Variants in PHF14 observed in about 807,000 individuals in gnomAD.
PHF14 encodes the protein PHD finger protein 14.
A neutral mutation model predicts 117.9 loss-of-function variants in PHF14; 55 were observed. That is an observed-to-expected ratio of 0.47 (90% CI 0.38 to 0.58). The LOEUF (loss-of-function observed/expected upper bound fraction) is 0.58, where lower values mean the gene tolerates loss of function less well. Ranked by LOEUF, PHF14 falls within the 20% of genes least tolerant of loss-of-function variation. The pLI, the probability that PHF14 is intolerant of heterozygous loss-of-function variation, is 0.00. For synonymous variants in PHF14, 409 were observed against 368.6 expected, an observed-to-expected ratio of 1.11 and a Z score of -1.26; for missense variants, 978 against 1,122.2, an observed-to-expected ratio of 0.87 and a Z score of 1.84.
At chr7:10,988,016 C>A (rs370710582) in intron 3 of PHF14, among the ~76,000 whole-genome samples, 1,026 of 114,992 alleles carry the variant, frequency 8.9e-3, no homozygotes, top group Middle Eastern at 0.014. Flanking sequence ...AACTCCTTCT[C>A]AAAAAAAAAA....
At chr7:11,008,948 A>G (rs1783236646) in intron 4 of PHF14, among the ~76,000 whole-genome samples, 2 of 150,426 alleles carry the variant, frequency 1.3e-5, no homozygotes, top group Admixed American at 1.3e-4. Flanking sequence ...AGGCAGGAGA[A>G]TGGCTTGAAC....
intron 7 of PHF14, among the ~76,000 whole-genome samples, chr7:11,032,721 A>G (rs1784162707): frequency 6.6e-6 from 1 of 152,110 alleles, no homozygotes; most frequent in African/African-American, 2.4e-5. Context: ...TTTTTGTCTT[A>G]TATTTTTCTG....
chr7:11,072,831 G>A (rs932213343), intron 16 of PHF14, among the ~76,000 whole-genome samples: 1 of 152,212 alleles, frequency 6.6e-6, no homozygotes, highest in Non-Finnish European at 1.5e-5. Flanking sequence ...CATGGTGGAA[G>A]GCAAAGGGTG....
chr7:11,090,248 G>A (rs927054574), intron 16 of PHF14, among the ~76,000 whole-genome samples: 1 of 152,194 alleles, frequency 6.6e-6, no homozygotes, highest in Admixed American at 6.5e-5. Context: ...CGTAGCAAGA[G>A]GAGGAGAAGT....
chr7:11,126,576 A>G lies in PHF14; in HGVS notation c.2772+15109A>G, dbSNP rs1281887543. 2.0e-5 allele frequency among the ~76,000 whole-genome samples: 3 copies of G among 152,046 alleles called. No homozygotes were observed. In the East Asian group the frequency reaches 5.8e-4, roughly 29 times the overall value. ...CTCTCTTCGTTATTTAGCTGTTTCA[A>G]AATCCCTAACTTTTGTCTTCCTGTC... On this transcript the variant is annotated intron_variant, in intron 17 of 17. Coordinates refer to ENST00000634607, the MANE Select transcript of PHF14 (RefSeq NM_001007157.2).
intron 17 of PHF14, among the ~76,000 whole-genome samples, chr7:11,141,294 G>T (rs530257887): frequency 6.6e-6 from 1 of 151,948 alleles, no homozygotes; most frequent in Non-Finnish European, 1.5e-5. Context: ...AAGAAATCCG[G>T]AGTTCAGAAG....
Position 11,089,245 on chromosome 7 carries a change from C to CA in PHF14, c.2655-22104dup, listed in dbSNP as rs1786547067. On this transcript the variant is annotated intron_variant, in intron 16 of 17. Coordinates refer to ENST00000634607, the MANE Select transcript of PHF14 (RefSeq NM_001007157.2). ...TTCCTCAAAACAACATTAAAGTTAT[C>CA]AGCTGTTTGCGTATGTAATTTCAGT... Among the ~76,000 whole-genome samples, 3 of 152,182 alleles carry CA rather than the reference C, an allele frequency of 2.0e-5. No homozygotes were observed. The South Asian group carries it at 6.2e-4, about 32-fold the overall frequency.
At chr7:10,997,219 A>G (rs1334285232) in intron 4 of PHF14, among the ~76,000 whole-genome samples, 2 of 152,220 alleles carry the variant, frequency 1.3e-5, no homozygotes, top group Non-Finnish European at 2.9e-5. Context: ...ATCCTCAAGC[A>G]GAGCAAAAAG....
Position 10,993,664 on chromosome 7 carries a change from A to G in PHF14, c.1045+2817A>G, listed in dbSNP as rs1004477267. On this transcript the variant is annotated intron_variant, in intron 4 of 17. Coordinates refer to ENST00000634607, the MANE Select transcript of PHF14 (RefSeq NM_001007157.2). ...ATGAAGTAGGACAAGGAGTATAGGA[A>G]TGCTGTGTGTGAGGGTGGTTGGGTG... Among the ~76,000 whole-genome samples the G allele has an allele frequency of 9.2e-5, 14 of 152,148 alleles. 1 individual carries two copies. Among genetic ancestry groups the G allele is most frequent in the Admixed American group, 7.2e-4 (11 of 15,278 alleles).
Position 11,103,130 on chromosome 7 carries a change from G to A in PHF14, c.2655-8220G>A, listed in dbSNP as rs958920363. 9 of 978,628 alleles carry A rather than the reference G, an allele frequency of 9.2e-6. No homozygotes were observed. The Middle Eastern group carries it at 1.6e-3, about 170-fold the overall frequency. 60.6% of individuals were successfully genotyped at this position (978,628 alleles called of 1,614,324 possible). ...TCTATTTATAATATTCAGCAAAAGT[G>A]AAAGACTTGTGAAGCATATGACATT... On this transcript the variant is annotated intron_variant, in intron 16 of 17. Coordinates refer to ENST00000634607, the MANE Select transcript of PHF14 (RefSeq NM_001007157.2).
At chr7:11,083,887 A>T (rs1251396400) in intron 16 of PHF14, among the ~76,000 whole-genome samples, 1 of 152,206 alleles carries the variant, frequency 6.6e-6, no homozygotes, top group Non-Finnish European at 1.5e-5. Flanking sequence ...GATTTAAGCT[A>T]GGAGAAAATA....
At chr7:11,073,101 C>T (rs1195199946) in intron 16 of PHF14, among the ~76,000 whole-genome samples, 1 of 152,130 alleles carries the variant, frequency 6.6e-6, no homozygotes, top group Admixed American at 6.5e-5. Context: ...CCCCCCCTCC[C>T]CAGTTTTATC....
At chr7:11,059,774 A>G (rs952430160) in intron 14 of PHF14, among the ~76,000 whole-genome samples, 3 of 152,170 alleles carry the variant, frequency 2.0e-5, no homozygotes, top group African/African-American at 4.8e-5. Flanking sequence ...GAGTCTGTCT[A>G]AAAAAAGAAA....
chr7:11,023,093 A>G (rs1300997162), intron 6 of PHF14, 114 bp downstream of exon 6: 5 of 528,746 alleles, frequency 9.5e-6, no homozygotes, highest in African/African-American at 3.9e-5. Flanking sequence ...GAATCATTCT[A>G]TTTAGCACTA....
At chr7:11,077,085 AG>A (rs995475574) in intron 16 of PHF14, among the ~76,000 whole-genome samples, 1 of 151,996 alleles carries the variant, frequency 6.6e-6, no homozygotes, top group African/African-American at 2.4e-5. Context: ...GGAAATTCAT[AG>A]TATGTTACCA....
In PHF14 at chr7:11,045,006, G is replaced by A. The variant is rs370916871; in HGVS notation, c.2312+2192G>A. ...TGGATTTTGGAGCACTTCAGATTTT[G>A]GATTTTTGGATTTGGGATGCTCAAC... On this transcript the variant is annotated intron_variant, in intron 13 of 17. Transcript: ENST00000634607. Among the ~76,000 whole-genome samples the A allele has an allele frequency of 1.6e-4, 25 of 152,238 alleles. No individual in the cohort carries two copies. In the South Asian group the frequency reaches 5.2e-3, roughly 32 times the overall value.
chr7:11,147,300 C>T (rs1024250380), intron 17 of PHF14, among the ~76,000 whole-genome samples: 26 of 152,180 alleles, frequency 1.7e-4, no homozygotes, highest in African/African-American at 5.6e-4. Flanking sequence ...GATAGCAGCT[C>T]AAGGCCGTCA....
At chr7:10,991,790 G>C (rs1417377864) in intron 4 of PHF14, among the ~76,000 whole-genome samples, 1 of 139,662 alleles carries the variant, frequency 7.2e-6, no homozygotes, top group Non-Finnish European at 1.5e-5. Context: ...TAGAGACAGG[G>C]TTTTGCTATG....
intron 17 of PHF14, among the ~76,000 whole-genome samples, chr7:11,142,004 G>GA (rs1160739136): frequency 1.3e-5 from 2 of 151,950 alleles, no homozygotes; most frequent in African/African-American, 4.8e-5. Flanking sequence ...CTAGAAATCA[G>GA]AAAAATAAGC....
Sources: gnomAD v4.1 joint callset for allele counts (sites outside exome capture counted in the v4.1 genomes callset) on GRCh38, gnomAD v4.1.1 for gene constraint, MANE v1.5 for transcripts, NCBI Gene and HGNC (gene_info 2026-07-23, HGNC 2026-07-21) for gene names.